The following TMEM135 variants were observed in gnomAD, a reference collection of about 807,000 sequenced individuals.
TMEM135 encodes the protein transmembrane protein 135.
TMEM135 carries 30 observed loss-of-function variants against 60.3 expected under a neutral mutation model. The ratio of observed to expected loss-of-function variants is 0.50; its 90% confidence interval spans 0.37 to 0.68. The LOEUF is 0.68. TMEM135 is among the 30% of genes least tolerant of loss of function. The pLI, the probability that TMEM135 is intolerant of heterozygous loss-of-function variation, is 0.00. For missense variants in TMEM135, 468 were observed against 548.8 expected, an observed-to-expected ratio of 0.85 and a Z score of 1.47; for synonymous variants, 190 against 186.7, an observed-to-expected ratio of 1.02 and a Z score of -0.14.
intron 4 of TMEM135, among the ~76,000 whole-genome samples, chr11:87,155,366 TA>T (rs1211077014): frequency 6.6e-6 from 1 of 152,270 alleles, no homozygotes; most frequent in East Asian, 1.9e-4. Context: ...TCTAATGTCA[TA>T]AAGCTTTCCC....
chr11:87,040,890 T>C (rs1473525230), intron 1 of TMEM135, among the ~76,000 whole-genome samples: 2 of 152,050 alleles, frequency 1.3e-5, no homozygotes, highest in African/African-American at 4.8e-5. Context: ...TCATGGAAGG[T>C]GGGTAGGGAA....
At chr11:87,268,255 ATATT>A (rs56802824) in intron 6 of TMEM135, among the ~76,000 whole-genome samples, 19,912 of 136,762 alleles carry the variant, frequency 0.15, 1,791 homozygotes, top group East Asian at 0.25. Context: ...CCACACCTAG[ATATT>A]TATTTATTTA....
At chr11:87,100,084 A>G (rs1208472831) in intron 4 of TMEM135, among the ~76,000 whole-genome samples, 1 of 152,142 alleles carries the variant, frequency 6.6e-6, no homozygotes, top group Admixed American at 6.6e-5. Flanking sequence ...TAAAATGGAA[A>G]ACTTTTTTGA....
intron 3 of TMEM135, among the ~76,000 whole-genome samples, chr11:87,090,906 A>G (rs994429282): frequency 2.0e-5 from 3 of 152,070 alleles, no homozygotes; most frequent in African/African-American, 4.8e-5. Flanking sequence ...TAATGAAACA[A>G]TTGTATTGTG....
At chr11:87,312,673 A>G (rs912247602) in intron 10 of TMEM135, among the ~76,000 whole-genome samples, 1 of 151,808 alleles carries the variant, frequency 6.6e-6, no homozygotes, top group Admixed American at 6.6e-5. Context: ...ACTTGATGTA[A>G]TTTTCACATC....
intron 4 of TMEM135, among the ~76,000 whole-genome samples, chr11:87,098,331 G>A (rs765943960): frequency 6.6e-6 from 1 of 152,014 alleles, no homozygotes; most frequent in Non-Finnish European, 1.5e-5. Flanking sequence ...AATATTTTAG[G>A]TTGGTGCAAA....
At chr11:87,248,074 C>G (rs1007583445) in intron 6 of TMEM135, among the ~76,000 whole-genome samples, 5 of 150,598 alleles carry the variant, frequency 3.3e-5, no homozygotes, top group African/African-American at 1.2e-4. Flanking sequence ...TGAGTGTGTA[C>G]TATATTTTGT....
chr11:87,176,796 A>G (rs559325971), intron 5 of TMEM135, among the ~76,000 whole-genome samples: 1 of 152,188 alleles, frequency 6.6e-6, no homozygotes, highest in African/African-American at 2.4e-5. Context: ...ATGAGAGGGG[A>G]GGATGAATAA....
chr11:87,069,306 AAAG>A (rs1454259414), intron 2 of TMEM135, among the ~76,000 whole-genome samples: 10 of 151,232 alleles, frequency 6.6e-5, no homozygotes, highest in South Asian at 2.1e-4. Flanking sequence ...AAAAAAAAAA[AAAG>A]AAGAAGAAAG....
chr11:87,263,285 C>T (rs192505254), intron 6 of TMEM135, among the ~76,000 whole-genome samples: 89 of 152,266 alleles, frequency 5.8e-4, no homozygotes, highest in African/African-American at 2.0e-3. Flanking sequence ...GATACAAGAA[C>T]TGTTACTGTG....
At chr11:87,131,451 T>G (rs1407885326) in intron 4 of TMEM135, among the ~76,000 whole-genome samples, 1 of 152,170 alleles carries the variant, frequency 6.6e-6, no homozygotes, top group Non-Finnish European at 1.5e-5. Flanking sequence ...GGATAGGGAA[T>G]GTGTTATGTA....
intron 6 of TMEM135, among the ~76,000 whole-genome samples, chr11:87,293,136 A>G (rs1423482355): frequency 6.6e-6 from 1 of 152,174 alleles, no homozygotes; most frequent in Non-Finnish European, 1.5e-5. Flanking sequence ...TATCTAGATT[A>G]TGGGTTTTTA....
At chr11:87,077,241 A>G (rs1186318330) in intron 3 of TMEM135, among the ~76,000 whole-genome samples, 1 of 152,378 alleles carries the variant, frequency 6.6e-6, no homozygotes, top group East Asian at 1.9e-4. Flanking sequence ...GCAATGTATA[A>G]CGTTTGGACA....
intron 8 of TMEM135, 130 bp downstream of exon 8, chr11:87,302,572 A>G (rs988214289): frequency 1.7e-6 from 2 of 1,204,322 alleles, no homozygotes; most frequent in African/African-American, 3.0e-5. Context: ...TGTGCATAGA[A>G]TTTTATAAAA....
intron 10 of TMEM135, among the ~76,000 whole-genome samples, chr11:87,312,864 G>A (rs1942665355): frequency 6.6e-6 from 1 of 151,880 alleles, no homozygotes; most frequent in Admixed American, 6.6e-5. Flanking sequence ...AGAAAAATAT[G>A]TCTTCTAAGT....
At chr11:87,126,303 T>A (rs1308566932) in intron 4 of TMEM135, among the ~76,000 whole-genome samples, 1 of 152,184 alleles carries the variant, frequency 6.6e-6, no homozygotes, top group Non-Finnish European at 1.5e-5. Flanking sequence ...AAGTTCATAC[T>A]ATTATGCCTG....
At chr11:87,091,163 A>G (rs1857197611) in intron 3 of TMEM135, among the ~76,000 whole-genome samples, 199 bp from the exon 4 acceptor site, 1 of 152,076 alleles carries the variant, frequency 6.6e-6, no homozygotes, top group African/African-American at 2.4e-5. Context: ...AAAACAAGTG[A>G]CTTTATGGAA....
intron 6 of TMEM135, among the ~76,000 whole-genome samples, chr11:87,271,985 A>T (rs1355184053): frequency 6.6e-6 from 1 of 151,828 alleles, no homozygotes; most frequent in African/African-American, 2.4e-5. Context: ...TACTTTTAAA[A>T]ATATGGCTAC....
At chr11:87,111,742 A>G (rs1366279686) in intron 4 of TMEM135, among the ~76,000 whole-genome samples, 1 of 151,944 alleles carries the variant, frequency 6.6e-6, no homozygotes, top group East Asian at 1.9e-4. Flanking sequence ...ATAGAAATAT[A>G]GCTTGTGTTT....
Sources: allele counts gnomAD v4.1 joint callset (sites outside exome capture counted in the v4.1 genomes callset), GRCh38; gene constraint gnomAD v4.1.1; transcripts MANE v1.5; gene names NCBI Gene and HGNC (gene_info 2026-07-23, HGNC 2026-07-21).